The following MBTPS1 variants were observed in gnomAD, a reference collection of about 807,000 sequenced individuals.
MBTPS1 encodes membrane bound transcription factor peptidase, site 1.
Under a neutral mutation model 127.8 loss-of-function variants are expected in MBTPS1, and 94 were observed. That is an observed-to-expected ratio of 0.74 (90% CI 0.62 to 0.87). The LOEUF is 0.87. Ranked by LOEUF, MBTPS1 falls within the 40% of genes least tolerant of loss-of-function variation. The pLI, the probability that MBTPS1 is intolerant of heterozygous loss-of-function variation, is 0.00. For missense variants in MBTPS1, 1,636 were observed against 1,353.2 expected (o/e 1.21, Z -3.28); for synonymous variants, 632 against 509.4 (o/e 1.24, Z -3.24).
chr16:84,089,545 A>T (rs1289765888), intron 8 of MBTPS1, among the ~76,000 whole-genome samples: 1 of 152,238 alleles, frequency 6.6e-6, no homozygotes, highest in Admixed American at 6.5e-5. Context: ...AAAAAGAAAA[A>T]GAGCAGCTTC....
At chr16:84,061,068 T>C (rs1168863816) in intron 19 of MBTPS1, 1 of 278,792 alleles carries the variant, frequency 3.6e-6, no homozygotes, top group African/African-American at 2.2e-5. Flanking sequence ...TCTTCTTGCC[T>C]CAGCCTCCCA....
intron 2 of MBTPS1, among the ~76,000 whole-genome samples, chr16:84,101,020 G>A (rs1053132444): frequency 8.1e-6 from 1 of 123,162 alleles, no homozygotes. Context: ...AAAAAAAAAG[G>A]CCTGGCACGA....
intron 12 of MBTPS1, 72 bp downstream of exon 12, chr16:84,074,525 C>A (rs1597319760): frequency 1.7e-5 from 25 of 1,486,042 alleles, no homozygotes; most frequent in Non-Finnish European, 2.3e-5. Flanking sequence ...GCAGAAGTAA[C>A]TATGGCCTAA....
chr16:84,091,893 T>G, intron 6 of MBTPS1, 45 bp from the exon 7 acceptor site: 2 of 1,123,420 alleles, frequency 1.8e-6, no homozygotes, highest in Non-Finnish European at 2.7e-6. Flanking sequence ...CAATCAAGTT[T>G]TAAAGTGCTA....
At chr16:84,075,090 A>G (rs780815227) in intron 11 of MBTPS1, 67 of 162,516 alleles carry the variant, frequency 4.1e-4, no homozygotes, top group Middle Eastern at 3.0e-3. Context: ...ACACGTACAC[A>G]TGTCAATGCA....
In MBTPS1 at chr16:84,070,580, A is replaced by G; in HGVS notation, c.1782+8T>C. The G allele has an allele frequency of 3.7e-6, 6 of 1,610,396 alleles. No homozygotes were observed. Among genetic ancestry groups the G allele is most frequent in the Non-Finnish European group, 5.1e-6 (6 of 1,179,328 alleles). ...AAGAAAACAAGCCACTTTCCCGCAT[A>G]TCCCTACCTCTGTCTCTGCTGGGGA... On this transcript the variant is annotated splice_region_variant and intron_variant, in intron 13 of 22. Transcript: ENST00000343411.
intron 9 of MBTPS1, 71 bp downstream of exon 9, chr16:84,087,287 T>C (rs2086042364): frequency 1.6e-6 from 2 of 1,217,670 alleles, no homozygotes; most frequent in Admixed American, 3.4e-5. Flanking sequence ...CCAAGGCTCG[T>C]CAACAACCGG....
chr16:84,097,488 G>C (rs546164497), intron 3 of MBTPS1, among the ~76,000 whole-genome samples: 14 of 152,180 alleles, frequency 9.2e-5, no homozygotes, highest in Non-Finnish European at 1.9e-4. Flanking sequence ...CCCCTCACAG[G>C]GGTGTCAGGC....
At chr16:84,071,517 A>G (rs955379603) in intron 12 of MBTPS1, among the ~76,000 whole-genome samples, 1 of 152,264 alleles carries the variant, frequency 6.6e-6, no homozygotes, top group Non-Finnish European at 1.5e-5. Context: ...AGGGATTTTT[A>G]AAGAATGCTC....
rs555948990 is a variant in MBTPS1, at chr16:84,077,622, TA to T, written c.1449-2882del. On this transcript the variant is annotated intron_variant, in intron 11 of 22. Transcript: ENST00000343411. ...AATGGATCAAGGAATTTCAAGTAAA[TA>T]AAAGAAAGCAAACAAATATTAGAAG... Among the ~76,000 whole-genome samples the T allele has an allele frequency of 9.2e-5, 14 of 152,222 alleles. No homozygotes were observed. The South Asian group carries it at 2.9e-3, about 32-fold the overall frequency.
intron 4 of MBTPS1, 118 bp from the exon 5 acceptor site, chr16:84,093,939 A>C: frequency 2.6e-6 from 2 of 761,512 alleles, no homozygotes; most frequent in Non-Finnish European, 4.5e-6. Context: ...TGGAAGGCCA[A>C]AGCTGCTCAG....
chr16:84,056,094 T>C lies in MBTPS1; in HGVS notation c.2873A>G (p.Asp958Gly), dbSNP rs1290039487. Residue 958 changes from aspartate to glycine, a missense_variant, in exon 22 of 23, where the codon GAC (aspartate) becomes GGC (glycine). Transcript: ENST00000343411. ...KHQKLLSIDL[D>G]KVVLPNFRSN... The stretch of plus-strand genomic sequence containing the variant: ...TCGAAAGTTGGGTAACACCACCTTG[T>C]CCAGGTCAATGGAGAGTAGCTTCTG... The C allele has an allele frequency of 6.2e-7, 1 of 1,614,056 alleles. No individual in the cohort carries two copies. The highest frequency in any genetic ancestry group is 8.5e-7 in the Non-Finnish European group (1 of 1,179,898).
In MBTPS1 at chr16:84,072,783, G is replaced by A. The variant is rs1053905514; in HGVS notation, c.1593+1814C>T. 2.6e-5 allele frequency among the ~76,000 whole-genome samples: 4 copies of A among 151,924 alleles called. No individual in the cohort carries two copies. The East Asian group carries it at 5.8e-4, about 22-fold the overall frequency. ...CAAGCCTGGGAGAGAGCGAGACTCC[G>A]TCTCAGAAAAAAAAAGGCAAATCAC... On this transcript the variant is annotated intron_variant, in intron 12 of 22. Transcript: ENST00000343411.
In MBTPS1 at chr16:84,085,424, C is replaced by T. The variant is rs2086006117; in HGVS notation, c.1135-290G>A. Among the ~76,000 whole-genome samples, 3 of 151,838 alleles carry T rather than the reference C, an allele frequency of 2.0e-5. No homozygotes were observed. The South Asian group carries it at 6.2e-4, about 32-fold the overall frequency. ...CTCCACAAAAAATACAAAAATTAGCCAGATGTAGTGGCACAAGCCTGTAGT... is the reference window on the plus strand; with the variant it reads ...CTCCACAAAAAATACAAAAATTAGCTAGATGTAGTGGCACAAGCCTGTAGT... On this transcript the variant is annotated intron_variant, in intron 9 of 22. Transcript: ENST00000343411.
chr16:84,062,370 C>T (rs186925606), intron 19 of MBTPS1, among the ~76,000 whole-genome samples: 3 of 152,230 alleles, frequency 2.0e-5, no homozygotes, highest in African/African-American at 4.8e-5. Context: ...CCACTCACCT[C>T]GGCCTACCAA....
In MBTPS1 at chr16:84,074,616, G is replaced by C; in HGVS notation, c.1574C>G (p.Thr525Arg). 1 of 1,613,986 alleles carries C rather than the reference G, an allele frequency of 6.2e-7. No homozygotes were observed. Among genetic ancestry groups the C allele is most frequent in the Non-Finnish European group, 8.5e-7 (1 of 1,179,944 alleles). The change falls in exon 12 of 23, where the codon ACA becomes AGA. Residue 525 changes from threonine to arginine, a missense_variant. Physicochemically the swap from Thr to Arg is moderately conservative, Grantham distance 71. Coordinates refer to ENST00000343411, the MANE Select transcript of MBTPS1 (RefSeq NM_003791.4). ...TTTCACCTTATCTACAATTCTTCCT[G>C]TGACTCCCATGCCGTTGAGGATGGT... Reference protein sequence around the residue: ...NVTILNGMGVTGRIVDKPDWQ... With the variant: ...NVTILNGMGVRGRIVDKPDWQ...
intron 1 of MBTPS1, among the ~76,000 whole-genome samples, chr16:84,105,193 A>G (rs1450580197): frequency 6.6e-6 from 1 of 152,214 alleles, no homozygotes; most frequent in Non-Finnish European, 1.5e-5. Context: ...GGTATGTGGA[A>G]AACAGAGAAG....
At chr16:84,102,296 A>G (rs1396013622) in intron 1 of MBTPS1, among the ~76,000 whole-genome samples, 189 bp from the exon 2 acceptor site, 1 of 152,218 alleles carries the variant, frequency 6.6e-6, no homozygotes, top group Non-Finnish European at 1.5e-5. Context: ...AGCCTGAGCA[A>G]CAAAGTGAGA....
intron 7 of MBTPS1, 41 bp downstream of exon 7, chr16:84,091,691 G>A (rs1196432786): frequency 7.2e-7 from 1 of 1,383,476 alleles, no homozygotes; most frequent in East Asian, 2.3e-5. Flanking sequence ...CGAAAGAGCA[G>A]GAGCTGTCAC....
Sources: gnomAD v4.1 joint callset for allele counts (sites outside exome capture counted in the v4.1 genomes callset) on GRCh38, gnomAD v4.1.1 for gene constraint, MANE v1.5 for transcripts, NCBI Gene and HGNC (gene_info 2026-07-23, HGNC 2026-07-21) for gene names.